Variants in ODAD1 observed in about 807,000 individuals in gnomAD.
ODAD1 encodes the protein outer dynein arm-docking complex subunit 1.
Under a neutral mutation model 67.2 loss-of-function variants are expected in ODAD1, and 49 were observed. That is an observed-to-expected ratio of 0.73 (90% CI 0.58 to 0.92). ODAD1 has a LOEUF of 0.92. Ranked by LOEUF, ODAD1 falls within the 40% of genes least tolerant of loss-of-function variation. The pLI, the probability that ODAD1 is intolerant of heterozygous loss-of-function variation, is 0.00. For missense variants in ODAD1, 897 were observed against 953.7 expected, an observed-to-expected ratio of 0.94 and a Z score of 0.78; for synonymous variants, 345 against 393.7, an observed-to-expected ratio of 0.88 and a Z score of 1.46.
chr19:48,318,838 T>G (rs1227187567), intron 3 of ODAD1, 26 bp from the exon 4 acceptor site: 4 of 1,441,464 alleles, frequency 2.8e-6, no homozygotes, highest in Non-Finnish European at 3.8e-6. Flanking sequence ...GCCAAGGGAC[T>G]CAGCAGGGAT....
intron 5 of ODAD1, among the ~76,000 whole-genome samples, chr19:48,314,897 G>A (rs937546702): frequency 6.6e-6 from 1 of 151,832 alleles, no homozygotes; most frequent in African/African-American, 2.4e-5. Context: ...AATGAGCCGA[G>A]ATTGCACCAC....
rs373501045 is a variant in ODAD1, at chr19:48,302,748, G to T, written c.1186C>A (p.Arg396Ser). The change falls in exon 12 of 16, where the codon CGC (arginine) becomes AGC (serine). Residue 396 changes from arginine to serine, a missense_variant. Physicochemically the swap from Arg to Ser is moderately radical, Grantham distance 110. Transcript: ENST00000674294. ...RMDKVHSEAE[R>S]LEARFQDVRG... Reference sequence around the variant, plus strand: ...ACATCCTGGAAGCGGGCCTCAAGGCGCTCAGCCTCCGAGTGCACCTTGTCC... The same window carrying T: ...ACATCCTGGAAGCGGGCCTCAAGGCTCTCAGCCTCCGAGTGCACCTTGTCC... The T allele has an allele frequency of 1.2e-6, 2 of 1,613,356 alleles. No individual in the cohort carries two copies. The highest frequency in any genetic ancestry group is 2.2e-5 in the South Asian group (2 of 91,084).
In ODAD1 at chr19:48,303,783, G is replaced by T; in HGVS notation, c.855C>A (p.Ala285=). ...TCCAGACGCCCTCGGCCACCTCCCC[G>T]GCTAGGGGAAGAGAGAACAGCAGGT... ...PDVLEKREKQ[A]GEVAEGVWKT... is the part of the protein sequence containing the mutation. Residue 285 remains alanine, a splice_region_variant and synonymous_variant, in exon 10 of 16, where the codon GCC becomes GCA. Coordinates refer to ENST00000674294, the MANE Select transcript of ODAD1 (RefSeq NM_001364171.2). 2.5e-6 allele frequency: 4 copies of T among 1,606,674 alleles called. No individual in the cohort carries two copies. Among genetic ancestry groups the T allele is most frequent in the Admixed American group, 1.7e-5 (1 of 59,306 alleles).
intron 7 of ODAD1, among the ~76,000 whole-genome samples, chr19:48,307,795 C>A (rs1450048885): frequency 6.6e-6 from 1 of 150,492 alleles, no homozygotes; most frequent in Non-Finnish European, 1.5e-5. Context: ...AGCACTTTAG[C>A]CTGGGTGACA....
intron 1 of ODAD1, 83 bp downstream of exon 1, chr19:48,321,595 T>C (rs930348983): frequency 1.2e-4 from 45 of 367,738 alleles, no homozygotes; most frequent in Non-Finnish European, 1.2e-4. Context: ...AAGGGCGGGC[T>C]AATCGGGAGG....
At chr19:48,305,794 C>T (rs993911410) in intron 8 of ODAD1, among the ~76,000 whole-genome samples, 7 of 151,996 alleles carry the variant, frequency 4.6e-5, no homozygotes, top group Non-Finnish European at 1.0e-4. Flanking sequence ...GGTGCAATGG[C>T]TCATGCCTGT....
intron 12 of ODAD1, among the ~76,000 whole-genome samples, chr19:48,299,889 AACTC>A (rs1968413753): frequency 6.6e-6 from 1 of 150,890 alleles, no homozygotes; most frequent in Non-Finnish European, 1.5e-5. Flanking sequence ...AAAAAAAAGA[AACTC>A]AGCCAGGAGT....
chr19:48,302,854 C>T lies in ODAD1; in HGVS notation c.1080G>A (p.Glu360=), dbSNP rs922700741. ...TGCTGGCACGTGCGCTCACCAAAGC[C>T]TCCTGCATCTGTGGGGACAGGGCTG... The part of the protein sequence containing the change: ...HVQEEIKEMQ[E]ALVSARASKD... Residue 360 remains glutamate (E), a synonymous_variant, in exon 12 of 16, where the codon GAG becomes GAA. Coordinates refer to ENST00000674294, the MANE Select transcript of ODAD1 (RefSeq NM_001364171.2). The T allele has an allele frequency of 4.3e-6, 7 of 1,613,974 alleles. No homozygotes were observed. Among genetic ancestry groups the T allele is most frequent in the Non-Finnish European group, 5.9e-6 (7 of 1,179,940 alleles).
intron 7 of ODAD1, among the ~76,000 whole-genome samples, chr19:48,307,797 T>C (rs1828884841): frequency 7.2e-6 from 1 of 138,458 alleles, no homozygotes; most frequent in Admixed American, 7.7e-5. Flanking sequence ...CACTTTAGCC[T>C]GGGTGACAAA....
Position 48,296,649 on chromosome 19 carries a change from G to C in ODAD1, c.*327C>G. On this transcript the variant is annotated 3_prime_UTR_variant, in exon 16 of 16. Coordinates refer to ENST00000674294, the MANE Select transcript of ODAD1 (RefSeq NM_001364171.2). ...TGAGGAGAGAGAGCCGGAAACAGGA[G>C]GTGGGGGATCCACAGGGGGCCAGGG... 1.9e-6 allele frequency: 1 copy of C among 527,964 alleles called. No homozygotes were observed. The highest frequency in any genetic ancestry group is 2.7e-6 in the Non-Finnish European group (1 of 369,660). The allele number at this position is 527,964 out of a possible 1,614,324, so 32.7% of individuals were successfully genotyped here. A position where few individuals can be genotyped will look rare whatever the true frequency, so the allele number is the denominator to read the frequency against.
At chr19:48,302,040 G>A (rs1348359355) in intron 12 of ODAD1, among the ~76,000 whole-genome samples, 1 of 151,512 alleles carries the variant, frequency 6.6e-6, no homozygotes, top group African/African-American at 2.4e-5. Flanking sequence ...GATGAATGAT[G>A]GATACAGGAC....
In ODAD1 at chr19:48,303,889, G is replaced by T. The variant is rs145848971; in HGVS notation, c.853+64C>A. 3.3e-4 allele frequency: 522 copies of T among 1,586,082 alleles called. No homozygotes were observed. The Middle Eastern group carries it at 3.5e-3, about 11-fold the overall frequency. On this transcript the variant is annotated intron_variant, in intron 9 of 15. Coordinates refer to ENST00000674294, the MANE Select transcript of ODAD1 (RefSeq NM_001364171.2). Reference sequence around the variant, plus strand: ...GTGGTCCCACCTGGGGCACGAAGGTGTGCTGCAGGTGCCCCAGGGGCGGCC... The same window carrying T: ...GTGGTCCCACCTGGGGCACGAAGGTTTGCTGCAGGTGCCCCAGGGGCGGCC...
At chr19:48,308,634 A>T (rs1600866343) in intron 7 of ODAD1, among the ~76,000 whole-genome samples, 1 of 152,242 alleles carries the variant, frequency 6.6e-6, no homozygotes, top group East Asian at 1.9e-4. Flanking sequence ...CTGTGGCTGC[A>T]CACTCCATGG....
intron 14 of ODAD1, 62 bp downstream of exon 14, chr19:48,297,938 G>A (rs755178538): frequency 1.9e-5 from 25 of 1,336,196 alleles, no homozygotes; most frequent in Non-Finnish European, 2.6e-5. Context: ...TCTATCCTGT[G>A]TGTTCCCTCT....
intron 12 of ODAD1, 78 bp from the exon 13 acceptor site, chr19:48,298,418 C>G: frequency 6.9e-7 from 1 of 1,439,078 alleles, no homozygotes; most frequent in South Asian, 1.2e-5. Context: ...CAGGTCCTCA[C>G]TGCCCCATTC....
chr19:48,317,318 G>C (rs1373206996), intron 5 of ODAD1, among the ~76,000 whole-genome samples: 1 of 152,056 alleles, frequency 6.6e-6, no homozygotes, highest in Non-Finnish European at 1.5e-5. Flanking sequence ...CACCTCATGA[G>C]TCATGGTCAT....
At chr19:48,321,362 G>C (rs1569014338) in intron 1 of ODAD1, 1 of 157,200 alleles carries the variant, frequency 6.4e-6, no homozygotes, top group Non-Finnish European at 1.4e-5. Context: ...GGCCTGAGAG[G>C]GGCGTGCCGT....
chr19:48,301,692 G>A lies in ODAD1; in HGVS notation c.1240+1002C>T, dbSNP rs118188250. On this transcript the variant is annotated intron_variant, in intron 12 of 15. Coordinates refer to ENST00000674294, the MANE Select transcript of ODAD1 (RefSeq NM_001364171.2). ...GAGGCAGATGGACAGATAGACAATG[G>A]ATGGATTGATGGACATGGGACAGAT... Among the ~76,000 whole-genome samples the A allele has an allele frequency of 3.2e-3, 488 of 152,230 alleles. 16 individuals carry two copies. In the East Asian group the frequency reaches 0.078, roughly 24 times the overall value.
chr19:48,320,433 G>C (rs1969003680), intron 2 of ODAD1, 42 bp from the exon 3 acceptor site: 1 of 1,157,120 alleles, frequency 8.6e-7, no homozygotes, highest in African/African-American at 1.6e-5. Context: ...CAGCAGGCGG[G>C]CCAGGGCCCA....
Sources: allele counts gnomAD v4.1 joint callset (sites outside exome capture counted in the v4.1 genomes callset), GRCh38; gene constraint gnomAD v4.1.1; transcripts MANE v1.5; gene names NCBI Gene and HGNC (gene_info 2026-07-23, HGNC 2026-07-21).